HNRNPLL: variants seen among roughly 807,000 people sequenced by gnomAD.
The protein encoded by HNRNPLL is heterogeneous nuclear ribonucleoprotein L-like.
Under a neutral mutation model 67.1 loss-of-function variants are expected in HNRNPLL, and 25 were observed. The observed-to-expected ratio is 0.37, with a 90% CI of 0.27 to 0.52. The LOEUF (loss-of-function observed/expected upper bound fraction) is 0.52. Ranked by LOEUF, HNRNPLL falls within the 20% of genes least tolerant of loss-of-function variation. The probability of loss-of-function intolerance (pLI) is 0.90; values close to 1 mark genes in which losing one functional copy is unlikely to be tolerated. For missense variants in HNRNPLL, 542 were observed against 673.9 expected, an observed-to-expected ratio of 0.80 and a Z score of 2.17; for synonymous variants, 267 against 241.7, an observed-to-expected ratio of 1.10 and a Z score of -0.97.
chr2:38,577,691 C>A (rs1666353466), intron 6 of HNRNPLL, among the ~76,000 whole-genome samples, 159 bp from the exon 7 acceptor site: 2 of 152,054 alleles, frequency 1.3e-5, no homozygotes, highest in Non-Finnish European at 2.9e-5. Flanking sequence ...CCAATTTAAA[C>A]ACAACACCAA....
In HNRNPLL at chr2:38,562,010, TA is replaced by T. The variant is rs1665695856; in HGVS notation, c.*2171del. The T allele has an allele frequency of 6.6e-6, 1 of 152,210 alleles. No homozygotes were observed. The highest frequency in any genetic ancestry group is 1.5e-5 in the Non-Finnish European group (1 of 68,026). 9.4% of individuals were successfully genotyped at this position (152,210 alleles called of 1,614,324 possible). A position where few individuals can be genotyped will look rare whatever the true frequency, so the allele number is the denominator to read the frequency against. On this transcript the variant is annotated 3_prime_UTR_variant, in exon 13 of 13. Transcript: ENST00000449105. ...GGCAGATTTATTATCAAATGTGTAG[TA>T]GGATTTGGATACAGAGATGGGATTT... is the stretch of plus-strand genomic sequence containing the variant.
chr2:38,595,652 T>G (rs373478159), intron 1 of HNRNPLL, among the ~76,000 whole-genome samples: 1 of 152,134 alleles, frequency 6.6e-6, no homozygotes, highest in Non-Finnish European at 1.5e-5. Context: ...GAGATCAGCC[T>G]GGCCAACATG....
chr2:38,582,635 G>A (rs1666577734), intron 4 of HNRNPLL, among the ~76,000 whole-genome samples: 1 of 151,980 alleles, frequency 6.6e-6, no homozygotes, highest in Admixed American at 6.6e-5. Context: ...TAAGATCAAG[G>A]GTGGCTGGGC....
rs1667508453 is a variant in HNRNPLL, at chr2:38,602,816, C to A, written c.-190G>T. ...AAGCGCGGACGGACTGAGGGGGGCGCCCCGGGAGGAAGCTCTGGAGCGGCC... is the reference window on the plus strand; with the variant it reads ...AAGCGCGGACGGACTGAGGGGGGCGACCCGGGAGGAAGCTCTGGAGCGGCC... On this transcript the variant is annotated 5_prime_UTR_variant, in exon 1 of 13. Transcript: ENST00000449105. 1 of 1,545,684 alleles carries A rather than the reference C, an allele frequency of 6.5e-7. No individual in the cohort carries two copies. Among genetic ancestry groups the A allele is most frequent in the Non-Finnish European group, 8.7e-7 (1 of 1,144,996 alleles).
chr2:38,592,172 G>A (rs955872327), intron 1 of HNRNPLL, among the ~76,000 whole-genome samples: 2 of 152,116 alleles, frequency 1.3e-5, no homozygotes, highest in African/African-American at 4.8e-5. Flanking sequence ...TCAGTAAGAA[G>A]TACAAAGATG....
At chr2:38,599,770 A>G (rs1231706922) in intron 1 of HNRNPLL, 1 of 394,142 alleles carries the variant, frequency 2.5e-6, no homozygotes, top group South Asian at 1.9e-5. Context: ...CTTTAAATGT[A>G]GTCAATATAT....
chr2:38,565,941 T>A, intron 12 of HNRNPLL: 1 of 775,374 alleles, frequency 1.3e-6, no homozygotes, highest in Non-Finnish European at 1.6e-6. Flanking sequence ...AAATTTCAGA[T>A]GTTATTCCAG....
At chr2:38,588,099 C>T (rs954885988) in intron 2 of HNRNPLL, among the ~76,000 whole-genome samples, 8 of 152,116 alleles carry the variant, frequency 5.3e-5, no homozygotes, top group African/African-American at 1.7e-4. Context: ...CCTGCAGAAC[C>T]GTGAGCCGAT....
intron 8 of HNRNPLL, among the ~76,000 whole-genome samples, chr2:38,572,003 A>G (rs781146469): frequency 6.6e-6 from 1 of 152,182 alleles, no homozygotes; most frequent in Non-Finnish European, 1.5e-5. Flanking sequence ...AAAAACACAA[A>G]AAGAAAATAC....
Position 38,569,155 on chromosome 2 carries a change from A to G in HNRNPLL, c.1394T>C (p.Val465Ala). ...VLHYYNVPLC[V>A]TEETFTKLCN... ...TACCTTTGTGAAGGTCTCTTCTGTG[A>G]CACACAATGGAACATTATAATAATG... is the stretch of plus-strand genomic sequence containing the variant. Residue 465 changes from valine to alanine, a missense_variant, in exon 10 of 13, where the codon GTC becomes GCC. By Grantham distance (64) the Val-to-Ala change is moderately conservative. Around this residue, in one of 2 missense-constraint regions of HNRNPLL, gnomAD observed 415 missense variants for 575.2 expected, o/e 0.72. Transcript: ENST00000449105. The G allele has an allele frequency of 6.2e-7, 1 of 1,610,536 alleles. No individual in the cohort carries two copies. Among genetic ancestry groups the G allele is most frequent in the East Asian group, 2.2e-5 (1 of 44,836 alleles).
intron 7 of HNRNPLL, among the ~76,000 whole-genome samples, chr2:38,575,206 A>G (rs1408346253): frequency 6.6e-6 from 1 of 151,752 alleles, no homozygotes; most frequent in Non-Finnish European, 1.5e-5. Flanking sequence ...TATCTATACT[A>G]CTTAAAGTAT....
At chr2:38,599,818 A>C (rs1030892029) in intron 1 of HNRNPLL, 38 of 456,714 alleles carry the variant, frequency 8.3e-5, no homozygotes, top group African/African-American at 2.0e-5. Flanking sequence ...AAAACCAAGC[A>C]ATGTAAATCT....
At chr2:38,571,108 GAGAC>G (rs771674994) in intron 8 of HNRNPLL, among the ~76,000 whole-genome samples, 100 of 152,156 alleles carry the variant, frequency 6.6e-4, no homozygotes, top group African/African-American at 2.1e-3. Flanking sequence ...TAGAGAGACA[GAGAC>G]AGACAGAGAT....
Position 38,602,665 on chromosome 2 carries a change from G to T in HNRNPLL, c.-39C>A, listed in dbSNP as rs770228275. 2.7e-6 allele frequency: 4 copies of T among 1,457,658 alleles called. No individual in the cohort carries two copies. The African/African-American group carries it at 5.9e-5, about 22-fold the overall frequency. The allele number at this position is 1,457,658 out of a possible 1,614,324, so 90.3% of individuals were successfully genotyped here. On this transcript the variant is annotated 5_prime_UTR_variant, in exon 1 of 13. Transcript: ENST00000449105. ...GGGACCGGCTGGCAGGCGGGTGGGGGTGGCGGTGGGGCGCGCGCCTCGGAT... is the reference window on the plus strand; with the variant it reads ...GGGACCGGCTGGCAGGCGGGTGGGGTTGGCGGTGGGGCGCGCGCCTCGGAT...
At chr2:38,593,750 C>G (rs1450589992) in intron 1 of HNRNPLL, among the ~76,000 whole-genome samples, 1 of 151,950 alleles carries the variant, frequency 6.6e-6, no homozygotes, top group African/African-American at 2.4e-5. Context: ...TGTAATTCCA[C>G]CTACTCGGGA....
intron 4 of HNRNPLL, among the ~76,000 whole-genome samples, chr2:38,583,390 T>A (rs1666611349): frequency 6.6e-6 from 1 of 152,200 alleles, no homozygotes; most frequent in African/African-American, 2.4e-5. Flanking sequence ...AAGTGTATTA[T>A]CTATACTATT....
chr2:38,582,169 A>G lies in HNRNPLL; in HGVS notation c.633-1T>C, dbSNP rs201255782. On this transcript the variant is annotated splice_acceptor_variant, in intron 4 of 12. Coordinates refer to ENST00000449105, the MANE Select transcript of HNRNPLL (RefSeq NM_138394.4). LOFTEE classifies it high-confidence loss of function. ...CTGGGCACAAAGGACTGATTCAAAC[A>G]TAAGCTCTATTAAGGAAATTCGGTT... The G allele has an allele frequency of 2.7e-5, 43 of 1,609,724 alleles. No individual in the cohort carries two copies. In the African/African-American group the frequency reaches 5.2e-4, roughly 19 times the overall value.
In HNRNPLL at chr2:38,601,299, C is replaced by CT. The variant is rs912883828; in HGVS notation, c.189+1138dup. 9.3e-5 allele frequency among the ~76,000 whole-genome samples: 14 copies of CT among 151,250 alleles called. No homozygotes were observed. In the East Asian group the frequency reaches 1.6e-3, roughly 17 times the overall value. ...CTGCAACGCTGGGTGACTGACCAGCCTTTTTTTTTATTATTTAAAAATTCA... is the reference window on the plus strand; with the variant it reads ...CTGCAACGCTGGGTGACTGACCAGCCTTTTTTTTTTATTATTTAAAAATTCA... On this transcript the variant is annotated intron_variant, in intron 1 of 12. Transcript: ENST00000449105.
At chr2:38,598,171 C>T (rs180690013) in intron 1 of HNRNPLL, among the ~76,000 whole-genome samples, 1 of 152,278 alleles carries the variant, frequency 6.6e-6, no homozygotes, top group East Asian at 1.9e-4. Flanking sequence ...CATGCCTCCT[C>T]AACCTCAGAG....
Sources: gnomAD v4.1 joint callset for allele counts (sites outside exome capture counted in the v4.1 genomes callset) on GRCh38, gnomAD v4.1.1 for gene constraint, gnomAD v4.1.1 regional missense constraint, MANE v1.5 for transcripts, NCBI Gene and HGNC (gene_info 2026-07-23, HGNC 2026-07-21) for gene names.